The following DNAJC19 variants were observed in gnomAD, a reference collection of about 807,000 sequenced individuals.
The protein encoded by DNAJC19 is mitochondrial import inner membrane translocase subunit TIM14.
Under a neutral mutation model 19.8 loss-of-function variants are expected in DNAJC19, and 15 were observed. The ratio of observed to expected loss-of-function variants is 0.76; its 90% CI spans 0.51 to 1.17. DNAJC19 has a LOEUF of 1.17. Ranked by LOEUF, DNAJC19 falls within the 50% of genes most tolerant of loss-of-function variation. The pLI, the probability that DNAJC19 is intolerant of heterozygous loss-of-function variation, is 0.00. For missense variants in DNAJC19, 105 were observed against 140.9 expected (o/e 0.75, Z 1.29); for synonymous variants, 38 against 42.1 (o/e 0.90, Z 0.38).
At chr3:180,989,337 A>C in intron 1 of DNAJC19, 1 of 1,419,498 alleles carries the variant, frequency 7.0e-7, no homozygotes, top group South Asian at 1.5e-5. Flanking sequence ...CTGACCTTAC[A>C]GGAGTTCCAG....
At chr3:180,987,160 G>T in intron 3 of DNAJC19, 138 bp from the exon 4 acceptor site, 1 of 732,520 alleles carries the variant, frequency 1.4e-6, no homozygotes, top group Non-Finnish European at 2.4e-6. Flanking sequence ...AGGTATTTTA[G>T]CTAAAGCTGA....
chr3:180,986,286 G>GTT lies in DNAJC19; in HGVS notation c.210-292_210-291dup, dbSNP rs138755965. Among the ~76,000 whole-genome samples, 251 of 138,560 alleles carry GTT rather than the reference G, an allele frequency of 1.8e-3. 2 individuals carry two copies. Among genetic ancestry groups the GTT allele is most frequent in the East Asian group, 4.0e-3 (19 of 4,742 alleles). 90.9% of individuals were successfully genotyped at this position (138,560 alleles called of 152,430 possible). On this transcript the variant is annotated intron_variant, in intron 4 of 5. Transcript: ENST00000382564. The stretch of plus-strand genomic sequence containing the variant: ...TTGAAAATGAAGAAGGAAGAGTTTT[G>GTT]TTTTTTTTTTTTTTTGAGATAGTCT...
At chr3:180,987,084 G>T (rs927514775) in intron 3 of DNAJC19, 62 bp from the exon 4 acceptor site, 2 of 1,440,088 alleles carry the variant, frequency 1.4e-6, no homozygotes, top group African/African-American at 1.4e-5. Context: ...TAAAAAAGAC[G>T]TCTGGAAATA....
intron 4 of DNAJC19, 113 bp downstream of exon 4, chr3:180,986,830 T>C: frequency 2.3e-6 from 2 of 883,330 alleles, no homozygotes; most frequent in South Asian, 1.4e-5. Context: ...TCAATCTTCC[T>C]AGGACAAAAT....
Position 180,988,025 on chromosome 3 carries a change from A to AT in DNAJC19, c.126dup (p.Ser43IlefsTer9). 6.2e-7 allele frequency: 1 copy of AT among 1,614,192 alleles called. No individual in the cohort carries two copies. The highest frequency in any genetic ancestry group is 8.5e-7 in the Non-Finnish European group (1 of 1,180,012). ...GCAAAGAATTAACAAAGTCTTACAG[A>AT]TTTTGGTAGGCTTTGAAAAACTTGT... On this transcript the variant is annotated frameshift_variant, in exon 3 of 6. Transcript: ENST00000382564. LOFTEE classifies it high-confidence loss of function.
Position 180,983,950 on chromosome 3 carries a change from T to G in DNAJC19, c.*690A>C, listed in dbSNP as rs1370714837. The G allele has an allele frequency of 6.6e-6, 3 of 453,732 alleles. No homozygotes were observed. Among genetic ancestry groups the G allele is most frequent in the Non-Finnish European group, 1.3e-5 (3 of 226,692 alleles). The allele number at this position is 453,732 out of a possible 1,614,324, so 28.1% of individuals were successfully genotyped here. On this transcript the variant is annotated 3_prime_UTR_variant, in exon 6 of 6. Transcript: ENST00000382564. ...TAAATACTCATGCCTGTAATCCCAG[T>G]ACTTTGGGAGGCTGAGGCGGGAGGA...
intron 3 of DNAJC19, chr3:180,987,701 T>A (rs1436313902): frequency 5.1e-6 from 2 of 389,248 alleles, no homozygotes; most frequent in Non-Finnish European, 9.8e-6. Flanking sequence ...CATATACCTC[T>A]GTGTGTGCGA....
intron 5 of DNAJC19, 121 bp downstream of exon 5, chr3:180,985,805 G>C: frequency 1.2e-6 from 1 of 845,786 alleles, no homozygotes; most frequent in South Asian, 1.4e-5. Flanking sequence ...TCCAGCCTAG[G>C]AGACAGGACT....
chr3:180,984,529 A>G lies in DNAJC19; in HGVS notation c.*111T>C, dbSNP rs1277858535. 1 of 754,834 alleles carries G rather than the reference A, an allele frequency of 1.3e-6. No individual in the cohort carries two copies. The highest frequency in any genetic ancestry group is 2.3e-6 in the Non-Finnish European group (1 of 439,042). The allele number at this position is 754,834 out of a possible 1,614,324, so 46.8% of individuals were successfully genotyped here. On this transcript the variant is annotated 3_prime_UTR_variant, in exon 6 of 6. Coordinates refer to ENST00000382564, the MANE Select transcript of DNAJC19 (RefSeq NM_145261.4). ...AAATTATACCAAGGCTTTGAGATTT[A>G]GCTTGTGCTAAATCATTTTTTAAAA...
chr3:180,989,295 G>A lies in DNAJC19; in HGVS notation c.3+305C>T, dbSNP rs568583800. ...GGCAAGGGCACTTATAATCAAATAC[G>A]TTTCCACTAATCTCCGAGTCCATGA... On this transcript the variant is annotated intron_variant, in intron 1 of 5. Coordinates refer to ENST00000382564, the MANE Select transcript of DNAJC19 (RefSeq NM_145261.4). 386 of 1,373,914 alleles carry A rather than the reference G, an allele frequency of 2.8e-4. 1 individual carries two copies. Among genetic ancestry groups the A allele is most frequent in the Non-Finnish European group, 3.4e-4 (359 of 1,062,836 alleles). The allele number at this position is 1,373,914 out of a possible 1,614,324, so 85.1% of individuals were successfully genotyped here. A position where few individuals can be genotyped will look rare whatever the true frequency, so the allele number is the denominator to read the frequency against.
rs918590536 is a variant in DNAJC19, at chr3:180,985,516, G to A, written c.280+410C>T. On this transcript the variant is annotated intron_variant, in intron 5 of 5. Coordinates refer to ENST00000382564, the MANE Select transcript of DNAJC19 (RefSeq NM_145261.4). ...TGTGGTCTATTTTTTGGTATTCAAAGAAATTCTTGCTTTCCTTCAACACAG... is the reference window on the plus strand; with the variant it reads ...TGTGGTCTATTTTTTGGTATTCAAAAAAATTCTTGCTTTCCTTCAACACAG... The A allele has an allele frequency of 2.7e-5, 5 of 186,476 alleles. 1 individual carries two copies. Among genetic ancestry groups the A allele is most frequent in the Admixed American group, 5.4e-5 (1 of 18,536 alleles). The allele number at this position is 186,476 out of a possible 1,614,324, so 11.6% of individuals were successfully genotyped here. A position where few individuals can be genotyped will look rare whatever the true frequency, so the allele number is the denominator to read the frequency against.
intron 1 of DNAJC19, among the ~76,000 whole-genome samples, chr3:180,988,935 G>A (rs1715069956): frequency 6.6e-6 from 1 of 151,628 alleles, no homozygotes; most frequent in South Asian, 2.1e-4. Context: ...GCGAACCCGG[G>A]AGGCGGAGCT....
At chr3:180,988,864 G>C (rs937750293) in intron 1 of DNAJC19, among the ~76,000 whole-genome samples, 4 of 150,764 alleles carry the variant, frequency 2.7e-5, no homozygotes, top group Non-Finnish European at 5.9e-5. Flanking sequence ...AAAAAAATTA[G>C]CTGGGCGTGG....
In DNAJC19 at chr3:180,984,722, A is replaced by G. The variant is rs141982712; in HGVS notation, c.281-12T>C. The stretch of plus-strand genomic sequence containing the variant: ...ATAAGGAGATCCTCCTATAGGAAGA[A>G]AGAAAAAAGAACAGTTACAATATGG... On this transcript the variant is annotated splice_polypyrimidine_tract_variant and intron_variant, in intron 5 of 5. Transcript: ENST00000382564. 1.0e-3 allele frequency: 1,651 copies of G among 1,579,548 alleles called. 5 individuals are homozygous for G. Among genetic ancestry groups the G allele is most frequent in the East Asian group, 6.7e-3 (299 of 44,466 alleles).
chr3:180,989,494 G>A, intron 1 of DNAJC19, 106 bp downstream of exon 1: 1 of 1,542,834 alleles, frequency 6.5e-7, no homozygotes, highest in Non-Finnish European at 8.8e-7. Context: ...CCTCCCGCCC[G>A]CAGTCGCACT....
chr3:180,985,955 C>T lies in DNAJC19; in HGVS notation c.251G>A (p.Arg84Gln), dbSNP rs199774384. 1.5e-5 allele frequency: 25 copies of T among 1,613,548 alleles called. No individual in the cohort carries two copies. Among genetic ancestry groups the T allele is most frequent in the Middle Eastern group, 1.7e-4 (1 of 6,054 alleles). Residue 84 changes from arginine to glutamine, a missense_variant, in exon 5 of 6, where the codon CGA becomes CAA. Coordinates refer to ENST00000382564, the MANE Select transcript of DNAJC19 (RefSeq NM_145261.4). ...GTCAGGATGATTTAAAAGCATAATT[C>T]GTCGATGAGCATCTCTTATTTTCCC... ...NKGKIRDAHRRIMLLNHPDKG... is the reference protein window; with the variant it reads ...NKGKIRDAHRQIMLLNHPDKG...
At chr3:180,989,402 A>G (rs1225990137) in intron 1 of DNAJC19, 198 bp downstream of exon 1, 8 of 1,439,664 alleles carry the variant, frequency 5.6e-6, no homozygotes, top group Admixed American at 2.7e-5. Flanking sequence ...CCGTGCAGAA[A>G]GACGATGTAA....
In DNAJC19 at chr3:180,989,678, C is replaced by T. The variant is rs763066001; in HGVS notation, c.-76G>A. 1 of 1,557,242 alleles carries T rather than the reference C, an allele frequency of 6.4e-7. No individual in the cohort carries two copies. The highest frequency in any genetic ancestry group is 1.2e-5 in the South Asian group (1 of 84,572). On this transcript the variant is annotated 5_prime_UTR_variant, in exon 1 of 6. In the 5' UTR this introduces an upstream ATG that the reference lacks. Coordinates refer to ENST00000382564, the MANE Select transcript of DNAJC19 (RefSeq NM_145261.4). ...TCAGAGGCCGCGGCCAACACCTGCACGCCTTTACCAGAGAGCGACGCAACC... is the reference window on the plus strand; with the variant it reads ...TCAGAGGCCGCGGCCAACACCTGCATGCCTTTACCAGAGAGCGACGCAACC...
chr3:180,985,521 T>A (rs1302947751), intron 5 of DNAJC19: 5 of 186,738 alleles, frequency 2.7e-5, no homozygotes, highest in Non-Finnish European at 5.7e-5. Flanking sequence ...TCAAAGAAAT[T>A]CTTGCTTTCC....
Sources: allele counts gnomAD v4.1 joint callset (sites outside exome capture counted in the v4.1 genomes callset), GRCh38; gene constraint gnomAD v4.1.1; transcripts MANE v1.5; gene names NCBI Gene and HGNC (gene_info 2026-07-23, HGNC 2026-07-21).